Variants in DHRSX observed in about 807,000 individuals in gnomAD.
The protein encoded by DHRSX is polyprenol dehydrogenase.
In DHRSX, 31 loss-of-function variants were observed where a neutral mutation model predicts 34.0. The ratio of observed to expected loss-of-function variants is 0.91; its 90% confidence interval spans 0.69 to 1.23. DHRSX has a LOEUF of 1.23. Ranked by LOEUF, DHRSX falls within the 50% of genes most tolerant of loss-of-function variation. The pLI, the probability that DHRSX is intolerant of heterozygous loss-of-function variation, is 0.00. For missense variants in DHRSX, 414 were observed against 428.1 expected (o/e 0.97, Z 0.29); for synonymous variants, 201 against 183.8 (o/e 1.09, Z -0.76).
chrX:2,426,500 T>A (rs745887054), intron 1 of DHRSX, among the ~76,000 whole-genome samples: 14 of 142,820 alleles, frequency 9.8e-5, no homozygotes, highest in Admixed American at 2.1e-4. Context: ...CTTTCCTTTC[T>A]TCATTCCTTC....
intron 6 of DHRSX, 36 bp from the exon 7 acceptor site, chrX:2,221,265 A>G (rs901785775): frequency 3.1e-6 from 5 of 1,598,498 alleles, no homozygotes; most frequent in Non-Finnish European, 4.3e-6. Flanking sequence ...CGATGAGTCA[A>G]ATTTCTGAGC....
chrX:2,303,653 G>A, intron 3 of DHRSX, among the ~76,000 whole-genome samples: 1 of 152,252 alleles, frequency 6.6e-6, no homozygotes, highest in East Asian at 1.9e-4. Context: ...TGCAAGAACA[G>A]ACTAATACAG....
At position 2,292,443 on chromosome X, in the gene DHRSX, G is replaced by A. The variant is rs150559517; in HGVS notation, c.287-840C>T. ...TTACACCTGCCCAGATTCCTGACCC[G>A]CAGCAGCTGTGGGATAGTAAGTATG... On this transcript the variant is annotated intron_variant, in intron 3 of 6. Coordinates refer to ENST00000334651, the MANE Select transcript of DHRSX (RefSeq NM_145177.3). Among the ~76,000 whole-genome samples, 395 of 152,282 alleles carry A rather than the reference G, an allele frequency of 2.6e-3. 1 individual carries two copies. Among genetic ancestry groups the A allele is most frequent in the South Asian group, 6.0e-3 (29 of 4,826 alleles).
At chrX:2,362,729 G>A (rs752111303) in intron 3 of DHRSX, among the ~76,000 whole-genome samples, 6 of 151,768 alleles carry the variant, frequency 4.0e-5, no homozygotes, top group Middle Eastern at 3.4e-3. Flanking sequence ...AGATCATGCC[G>A]CCATTTTATC....
chrX:2,433,168 AAAAT>A (rs2043949085), intron 1 of DHRSX, among the ~76,000 whole-genome samples: 4 of 152,154 alleles, frequency 2.6e-5, no homozygotes, highest in Admixed American at 1.3e-4. Flanking sequence ...AGCAAAGTAA[AAAAT>A]AAATAATGAG....
chrX:2,237,645 C>T (rs1344311463), intron 6 of DHRSX, among the ~76,000 whole-genome samples: 6 of 151,964 alleles, frequency 3.9e-5, no homozygotes, highest in African/African-American at 1.4e-4. Context: ...GCTGGGATTA[C>T]AGGTGACTGC....
chrX:2,314,218 GAGGGAAGGA>G (rs2042199777), intron 3 of DHRSX, among the ~76,000 whole-genome samples: 1 of 18,666 alleles, frequency 5.4e-5, no homozygotes, highest in Non-Finnish European at 1.1e-4. Context: ...GGGAGGGAAG[GAGGGAAGGA>G]AGGGAGGGAG....
intron 1 of DHRSX, chrX:2,490,046 C>G (rs368890122): frequency 6.2e-7 from 1 of 1,613,790 alleles, no homozygotes; most frequent in Non-Finnish European, 8.5e-7. Context: ...CATGGACAGG[C>G]AGTTGGGGGC....
At chrX:2,419,616 C>T (rs1422767824) in intron 2 of DHRSX, among the ~76,000 whole-genome samples, 4 of 152,032 alleles carry the variant, frequency 2.6e-5, no homozygotes, top group African/African-American at 4.8e-5. Context: ...GGCACATATA[C>T]ACCACAGAAT....
chrX:2,242,192 T>C (rs1022968941), intron 6 of DHRSX, among the ~76,000 whole-genome samples: 1 of 152,122 alleles, frequency 6.6e-6, no homozygotes, highest in South Asian at 2.1e-4. Flanking sequence ...TTGTATTTTG[T>C]GCGTTGATTT....
At chrX:2,345,659 A>G (rs1330535693) in intron 3 of DHRSX, among the ~76,000 whole-genome samples, 3 of 150,486 alleles carry the variant, frequency 2.0e-5, no homozygotes, top group Non-Finnish European at 3.0e-5. Flanking sequence ...CTGTCTCAAA[A>G]AAAAAAAAAA....
In DHRSX at chrX:2,473,013, G is replaced by C. The variant is rs1047153490; in HGVS notation, c.109+27804C>G. ...GCACCTGGCTCCGTCACTGATCAAA[G>C]AATGGGTACCACAACTTACTGTCCA... is the stretch of plus-strand genomic sequence containing the variant. On this transcript the variant is annotated intron_variant, in intron 1 of 6. Coordinates refer to ENST00000334651, the MANE Select transcript of DHRSX (RefSeq NM_145177.3). 5.6e-4 allele frequency among the ~76,000 whole-genome samples: 85 copies of C among 152,024 alleles called. 1 individual carries two copies. The highest frequency in any genetic ancestry group is 4.7e-3 in the Admixed American group (72 of 15,242).
At chrX:2,226,201 A>G (rs142864134) in intron 6 of DHRSX, among the ~76,000 whole-genome samples, 7,096 of 152,206 alleles carry the variant, frequency 0.047, 486 homozygotes, top group African/African-American at 0.15. Flanking sequence ...TGCTGTGTGC[A>G]TATGTCAAGA....
intron 3 of DHRSX, among the ~76,000 whole-genome samples, chrX:2,372,360 C>T (rs1283567704): frequency 6.6e-6 from 1 of 152,048 alleles, no homozygotes; most frequent in African/African-American, 2.4e-5. Flanking sequence ...CCAGACGCGC[C>T]CCACAGCTCC....
chrX:2,456,089 C>A (rs1324426265), intron 1 of DHRSX, among the ~76,000 whole-genome samples: 1 of 152,098 alleles, frequency 6.6e-6, no homozygotes, highest in Non-Finnish European at 1.5e-5. Flanking sequence ...ATTAAGGTGT[C>A]CACAGCATCC....
chrX:2,287,159 G>A (rs1184941223), intron 4 of DHRSX, among the ~76,000 whole-genome samples: 1 of 152,186 alleles, frequency 6.6e-6, no homozygotes, highest in African/African-American at 2.4e-5. Context: ...TATGTGAAGG[G>A]CAGAGTAGGT....
chrX:2,320,107 T>C (rs1489693569), intron 3 of DHRSX, among the ~76,000 whole-genome samples: 14 of 151,694 alleles, frequency 9.2e-5, no homozygotes, highest in South Asian at 2.1e-4. Flanking sequence ...GGGATGACAG[T>C]TGTGAGCCAC....
chrX:2,461,633 G>C lies in DHRSX; in HGVS notation c.110-36329C>G, dbSNP rs748530552. Among the ~76,000 whole-genome samples the C allele has an allele frequency of 2.0e-5, 3 of 152,130 alleles. No homozygotes were observed. In the South Asian group the frequency reaches 6.2e-4, roughly 32 times the overall value. ...CTCAGCTCACTGCAGCCTCGACTTTGTGGGCTCCAGTGATCCTCCCACCTC... is the reference window on the plus strand; with the variant it reads ...CTCAGCTCACTGCAGCCTCGACTTTCTGGGCTCCAGTGATCCTCCCACCTC... On this transcript the variant is annotated intron_variant, in intron 1 of 6. Transcript: ENST00000334651.
intron 1 of DHRSX, among the ~76,000 whole-genome samples, chrX:2,462,024 A>G: frequency 6.6e-6 from 1 of 152,262 alleles, no homozygotes; most frequent in East Asian, 1.9e-4. Context: ...CTGAGAAGAC[A>G]CAAATGCCAC....
Sources: gnomAD v4.1 joint callset for allele counts (sites outside exome capture counted in the v4.1 genomes callset) on GRCh38, gnomAD v4.1.1 for gene constraint, MANE v1.5 for transcripts, NCBI Gene and HGNC (gene_info 2026-07-23, HGNC 2026-07-21) for gene names.